Variants in PCDHA13 observed in about 807,000 individuals in gnomAD.
PCDHA13 encodes protocadherin alpha 13, also known as protocadherin alpha-13.
Under a neutral mutation model 64.8 loss-of-function variants are expected in PCDHA13, and 54 were observed. The ratio of observed to expected loss-of-function variants is 0.83; its 90% confidence interval spans 0.67 to 1.04. The LOEUF (loss-of-function observed/expected upper bound fraction) is 1.04. Among genes scored for constraint, PCDHA13 ranks in the 50% least tolerant of loss-of-function variants. The pLI is 0.00. For synonymous variants in PCDHA13, 587 were observed against 564.4 expected (o/e 1.04, Z -0.57); for missense variants, 1,248 against 1,254.3 (o/e 0.99, Z 0.08).
chr5:140,969,047 A>C, intron 1 of PCDHA13: 1 of 1,614,152 alleles, frequency 6.2e-7, no homozygotes, highest in Non-Finnish European at 8.5e-7. Flanking sequence ...CAAACAAGCC[A>C]ACAACAATAT....
intron 3 of PCDHA13, among the ~76,000 whole-genome samples, chr5:140,993,468 A>T (rs1327306188): frequency 7.2e-5 from 5 of 69,412 alleles, no homozygotes; most frequent in Non-Finnish European, 1.2e-4. Flanking sequence ...TTTCTCACAC[A>T]CACACACACA....
chr5:140,936,834 T>TA (rs1554211213), intron 1 of PCDHA13, among the ~76,000 whole-genome samples: 1 of 152,210 alleles, frequency 6.6e-6, no homozygotes, highest in African/African-American at 2.4e-5. Context: ...CATTTCTATA[T>TA]AAATTGTAGA....
chr5:140,904,912 T>C (rs2071465626), intron 1 of PCDHA13, among the ~76,000 whole-genome samples: 1 of 152,236 alleles, frequency 6.6e-6, no homozygotes, highest in Non-Finnish European at 1.5e-5. Flanking sequence ...TACTGATTTG[T>C]TTGACTTCCT....
intron 1 of PCDHA13, chr5:140,966,805 T>C (rs1554228690): frequency 6.5e-7 from 1 of 1,545,566 alleles, no homozygotes; most frequent in South Asian, 1.2e-5. Flanking sequence ...CGACAGAGCA[T>C]CCACGGCTCC....
intron 1 of PCDHA13, among the ~76,000 whole-genome samples, chr5:140,943,257 CA>C (rs1238620023): frequency 1.6e-3 from 121 of 77,534 alleles, no homozygotes; most frequent in Middle Eastern, 7.2e-3. Flanking sequence ...GACTCTGTCT[CA>C]AAAAAAAAAA....
intron 1 of PCDHA13, among the ~76,000 whole-genome samples, chr5:140,924,015 A>G (rs2081623207): frequency 6.6e-6 from 1 of 152,164 alleles, no homozygotes; most frequent in Admixed American, 6.5e-5. Flanking sequence ...AACCTGGTAT[A>G]ATTGGAGGCA....
At chr5:140,961,981 T>G (rs1408145304) in intron 1 of PCDHA13, among the ~76,000 whole-genome samples, 1 of 152,076 alleles carries the variant, frequency 6.6e-6, no homozygotes, top group African/African-American at 2.4e-5. Context: ...CCTCCTGGGT[T>G]CACGCCATTG....
At chr5:140,987,292 T>G (rs2097246000) in intron 3 of PCDHA13, among the ~76,000 whole-genome samples, 1 of 152,134 alleles carries the variant, frequency 6.6e-6, no homozygotes, top group African/African-American at 2.4e-5. Context: ...TTAACAAGCC[T>G]TCTATGTGAT....
chr5:140,960,120 C>A (rs2095527331), intron 1 of PCDHA13, among the ~76,000 whole-genome samples: 1 of 152,118 alleles, frequency 6.6e-6, no homozygotes, highest in African/African-American at 2.4e-5. Context: ...AATAGTATTC[C>A]TTATGAAATA....
intron 1 of PCDHA13, among the ~76,000 whole-genome samples, chr5:140,963,050 G>A (rs2095732681): frequency 6.6e-6 from 1 of 152,030 alleles, no homozygotes; most frequent in African/African-American, 2.4e-5. Flanking sequence ...AGTCTATAAG[G>A]GTTTCTACAT....
intron 1 of PCDHA13, among the ~76,000 whole-genome samples, chr5:140,942,493 C>T (rs1334279065): frequency 1.3e-5 from 2 of 151,366 alleles, no homozygotes; most frequent in Non-Finnish European, 2.9e-5. Context: ...GAAATAAATA[C>T]ATGGTATCTA....
Position 140,884,480 on chromosome 5 carries a change from A to T in PCDHA13, c.2212A>T (p.Thr738Ser), listed in dbSNP as rs782532542. Residue 738 changes from threonine (T) to serine (S), a missense_variant, in exon 1 of 4, where the codon ACT (threonine) becomes TCT (serine). By Grantham distance (58) the Thr-to-Ser change is moderately conservative (BLOSUM62 1). Coordinates refer to ENST00000289272, the MANE Select transcript of PCDHA13 (RefSeq NM_018904.3). ...GGGCGCGTGCGCGCCGGGCAAGCCCACTCTAGTGTGCTCCAGCGCGGCAGG... is the reference window on the plus strand; with the variant it reads ...GGGCGCGTGCGCGCCGGGCAAGCCCTCTCTAGTGTGCTCCAGCGCGGCAGG... ...TEGACAPGKP[T>S]LVCSSAAGSW... 7.4e-6 allele frequency: 12 copies of T among 1,613,662 alleles called. No individual in the cohort carries two copies. Among genetic ancestry groups the T allele is most frequent in the Non-Finnish European group, 9.3e-6 (11 of 1,179,912 alleles).
At chr5:140,965,848 C>T (rs2095941298) in intron 1 of PCDHA13, among the ~76,000 whole-genome samples, 1 of 152,178 alleles carries the variant, frequency 6.6e-6, no homozygotes, top group Non-Finnish European at 1.5e-5. Context: ...TTTGCCAAGG[C>T]ACACACTGAA....
chr5:141,004,604 C>A (rs1282201587), intron 3 of PCDHA13, among the ~76,000 whole-genome samples: 1 of 152,176 alleles, frequency 6.6e-6, no homozygotes, highest in African/African-American at 2.4e-5. Context: ...GTGCTTAGGC[C>A]TCATGCAGAG....
At chr5:140,978,672 G>C (rs2096816199) in intron 1 of PCDHA13, among the ~76,000 whole-genome samples, 1 of 152,256 alleles carries the variant, frequency 6.6e-6, no homozygotes, top group African/African-American at 2.4e-5. Context: ...TAAGAACACA[G>C]ACATGTATTG....
At chr5:140,915,107 C>T (rs1461317939) in intron 1 of PCDHA13, among the ~76,000 whole-genome samples, 1 of 151,880 alleles carries the variant, frequency 6.6e-6, no homozygotes, top group African/African-American at 2.4e-5. Flanking sequence ...CACCACAACA[C>T]CCACCTAATT....
At chr5:140,958,923 T>C (rs535689053) in intron 1 of PCDHA13, among the ~76,000 whole-genome samples, 1 of 148,814 alleles carries the variant, frequency 6.7e-6, no homozygotes, top group South Asian at 2.1e-4. Flanking sequence ...CTGGGTGTGG[T>C]GGCTCATACT....
chr5:140,924,105 C>T lies in PCDHA13; in HGVS notation c.2394+39443C>T, dbSNP rs140580566. ...AGGCAGAAAGAATAAATTTTCATTC[C>T]AAAGCAGTTAGCTTGCTTAGCAGCA... is the stretch of plus-strand genomic sequence containing the variant. On this transcript the variant is annotated intron_variant, in intron 1 of 3. Coordinates refer to ENST00000289272, the MANE Select transcript of PCDHA13 (RefSeq NM_018904.3). Among the ~76,000 whole-genome samples the T allele has an allele frequency of 8.5e-5, 13 of 152,262 alleles. No homozygotes were observed. The East Asian group carries it at 2.5e-3, about 29-fold the overall frequency.
At chr5:140,894,904 A>G (rs1422978967) in intron 1 of PCDHA13, among the ~76,000 whole-genome samples, 1 of 152,168 alleles carries the variant, frequency 6.6e-6, no homozygotes, top group Non-Finnish European at 1.5e-5. Context: ...TAATTTTCCT[A>G]TCTTTGTTGC....
Sources: gnomAD v4.1 joint callset for allele counts (sites outside exome capture counted in the v4.1 genomes callset) on GRCh38, gnomAD v4.1.1 for gene constraint, MANE v1.5 for transcripts, NCBI Gene and HGNC (gene_info 2026-07-23, HGNC 2026-07-21) for gene names.